The following OTOA variants were observed in gnomAD, a reference collection of about 807,000 sequenced individuals.
OTOA encodes the protein cancer/testis antigen 108.
In OTOA, 70 loss-of-function variants were observed where a neutral mutation model predicts 110.8. That is an observed-to-expected ratio of 0.63 (90% CI 0.52 to 0.77). OTOA has a LOEUF of 0.77. OTOA is among the 30% of genes least tolerant of loss of function. The pLI is 0.00. For synonymous variants in OTOA, 373 were observed against 431.5 expected (o/e 0.86, Z 1.68); for missense variants, 917 against 1,075.8 (o/e 0.85, Z 2.06).
intron 1 of OTOA, among the ~76,000 whole-genome samples, chr16:21,674,643 T>G (rs780905145): frequency 3.3e-4 from 33 of 98,684 alleles, no homozygotes; most frequent in Non-Finnish European, 4.4e-4. Flanking sequence ...TTCATTATGG[T>G]TTTTTTTTTT....
rs952822776 is a variant in OTOA, at chr16:21,678,778, A to C, written c.92-137A>C. On this transcript the variant is annotated intron_variant, in intron 2 of 28. Coordinates refer to ENST00000646100, the MANE Select transcript of OTOA (RefSeq NM_144672.4). The stretch of plus-strand genomic sequence containing the variant: ...ATTTTTCAAGCCACGGTTTTCTCAG[A>C]GTGGACAGTTATAATTAAAATTCAC... The C allele has an allele frequency of 2.4e-6, 3 of 1,245,390 alleles. No individual in the cohort carries two copies. In the African/African-American group the frequency reaches 4.5e-5, roughly 18 times the overall value. 77.1% of individuals were successfully genotyped at this position (1,245,390 alleles called of 1,614,324 possible).
chr16:21,705,166 C>T lies in OTOA; in HGVS notation c.981-3C>T. 1 of 1,614,190 alleles carries T rather than the reference C, an allele frequency of 6.2e-7. No homozygotes were observed. The highest frequency in any genetic ancestry group is 8.5e-7 in the Non-Finnish European group (1 of 1,180,032). ...CACCACCATCCCTCCTCTTCTCACA[C>T]AGGCTGGGGCTGCTGGTTTGTTTCT... On this transcript the variant is annotated splice_region_variant and splice_polypyrimidine_tract_variant and intron_variant, in intron 11 of 28. Transcript: ENST00000646100.
intron 1 of OTOA, among the ~76,000 whole-genome samples, chr16:21,669,508 T>G (rs1966846296): frequency 6.6e-6 from 1 of 152,128 alleles, no homozygotes; most frequent in Non-Finnish European, 1.5e-5. Flanking sequence ...TCTAAAAGGC[T>G]TCTCAAGCTT....
intron 10 of OTOA, among the ~76,000 whole-genome samples, chr16:21,698,468 G>A (rs1379987610): frequency 6.6e-6 from 1 of 152,142 alleles, no homozygotes; most frequent in African/African-American, 2.4e-5. Flanking sequence ...ATTCTTGAAT[G>A]CGGTCTCCAA....
chr16:21,755,848 T>G (rs1190238205), intron 27 of OTOA, among the ~76,000 whole-genome samples: 1 of 152,296 alleles, frequency 6.6e-6, no homozygotes, highest in Non-Finnish European at 1.5e-5. Context: ...AGAAACAGTG[T>G]TCCAGGCAGA....
intron 12 of OTOA, among the ~76,000 whole-genome samples, chr16:21,708,086 C>T (rs115708132): frequency 2.0e-3 from 301 of 152,104 alleles, no homozygotes; most frequent in African/African-American, 7.0e-3. Context: ...CCACCACGCC[C>T]GGTCTGTGCA....
intron 8 of OTOA, among the ~76,000 whole-genome samples, chr16:21,689,433 A>G (rs1350348095): frequency 6.6e-6 from 1 of 152,208 alleles, no homozygotes; most frequent in Non-Finnish European, 1.5e-5. Flanking sequence ...AGATTGTGGA[A>G]GAGAACATCA....
At chr16:21,693,600 G>A (rs1897876753) in intron 9 of OTOA, among the ~76,000 whole-genome samples, 1 of 152,156 alleles carries the variant, frequency 6.6e-6, no homozygotes, top group Non-Finnish European at 1.5e-5. Flanking sequence ...ATAGTTTGTT[G>A]AGACGGAGTC....
chr16:21,701,162 C>A, intron 11 of OTOA, 135 bp downstream of exon 11: 1 of 1,351,606 alleles, frequency 7.4e-7, no homozygotes, highest in Non-Finnish European at 1.0e-6. Flanking sequence ...CCATATTTCT[C>A]TGTGCATGTG....
chr16:21,687,957 C>A (rs1482165717), intron 8 of OTOA, among the ~76,000 whole-genome samples: 2 of 152,088 alleles, frequency 1.3e-5, no homozygotes, highest in Non-Finnish European at 2.9e-5. Flanking sequence ...AGCCACTGCA[C>A]CCAGCCACTC....
In OTOA at chr16:21,752,119, TCATCCATCCATC is replaced by T. The variant is rs527285911; in HGVS notation, c.2918+81_2918+92del. On this transcript the variant is annotated intron_variant, in intron 25 of 28. Coordinates refer to ENST00000646100, the MANE Select transcript of OTOA (RefSeq NM_144672.4). ...TGTGCAAAATGGCAAATGGGTTAAT[TCATCCATCCATC>T]CATCCATCCATCCATCCATCCATCC... 9.7e-4 allele frequency: 158 copies of T among 163,450 alleles called. 6 individuals carry two copies. The highest frequency in any genetic ancestry group is 8.4e-3 in the East Asian group (71 of 8,470). The allele number at this position is 163,450 out of a possible 1,614,324, so 10.1% of individuals were successfully genotyped here. A position where few individuals can be genotyped will look rare whatever the true frequency, so the allele number is the denominator to read the frequency against.
At chr16:21,750,269 C>T (rs1357942359) in intron 24 of OTOA, among the ~76,000 whole-genome samples, 3 of 145,142 alleles carry the variant, frequency 2.1e-5, no homozygotes, top group African/African-American at 7.5e-5. Context: ...AAAAATCAGC[C>T]AGGCATGTTC....
rs1898666494 is a variant in OTOA at position 21,719,578 on chromosome 16, A to G, written c.1806+74A>G. On this transcript the variant is annotated intron_variant, in intron 17 of 28. Coordinates refer to ENST00000646100, the MANE Select transcript of OTOA (RefSeq NM_144672.4). ...TCACTGGGCCTGGATTGGCTGTGGC[A>G]TCTAAAGATCTTTATGCCAGAATCA... is the stretch of plus-strand genomic sequence containing the variant. 1.1e-5 allele frequency: 14 copies of G among 1,330,320 alleles called. No individual in the cohort carries two copies. The South Asian group carries it at 1.2e-4, about 11-fold the overall frequency. The allele number at this position is 1,330,320 out of a possible 1,614,324, so 82.4% of individuals were successfully genotyped here.
At chr16:21,670,880 A>G (rs1403891380) in intron 1 of OTOA, among the ~76,000 whole-genome samples, 1 of 152,118 alleles carries the variant, frequency 6.6e-6, no homozygotes, top group Non-Finnish European at 1.5e-5. Context: ...GAGGAAGGGG[A>G]AGAATCCTCT....
At chr16:21,708,502 C>T (rs1216816921) in intron 12 of OTOA, among the ~76,000 whole-genome samples, 2 of 152,052 alleles carry the variant, frequency 1.3e-5, no homozygotes, top group African/African-American at 2.4e-5. Context: ...TCAGGAGGTC[C>T]GGGAGCAGCC....
chr16:21,687,663 C>T lies in OTOA; in HGVS notation c.635+15C>T, dbSNP rs368335912. On this transcript the variant is annotated intron_variant, in intron 8 of 28. Transcript: ENST00000646100. The stretch of plus-strand genomic sequence containing the variant: ...TTTAAGAACCTGTGAGTGGTTCCTC[C>T]GAACTTTTTTTTTTTTTTTTTTGAG... The T allele has an allele frequency of 2.5e-4, 389 of 1,565,432 alleles. No individual in the cohort carries two copies. Among genetic ancestry groups the T allele is most frequent in the Admixed American group, 2.4e-4 (13 of 54,190 alleles).
Position 21,728,283 on chromosome 16 carries a change from A to T in OTOA, c.2059A>T (p.Asn687Tyr). ...TGAGTACACTGTGGACATCATGGGGAACCTGCTGTGTCACTTGCCGGCAGC... is the reference window on the plus strand; with the variant it reads ...TGAGTACACTGTGGACATCATGGGGTACCTGCTGTGTCACTTGCCGGCAGC... Reference protein sequence around the residue: ...ADEYTVDIMGNLLCHLPAAII... With the variant: ...ADEYTVDIMGYLLCHLPAAII... The change falls in exon 20 of 29, where the codon AAC becomes TAC. Residue 687 changes from asparagine (N) to tyrosine (Y), a missense_variant. Asn to Tyr is a moderately radical substitution (Grantham distance 143, BLOSUM62 -2). Around this residue, in one of 6 missense-constraint regions of OTOA, gnomAD observed 840 missense variants for 910.2 expected, o/e 0.92. Coordinates refer to ENST00000646100, the MANE Select transcript of OTOA (RefSeq NM_144672.4). 1.2e-6 allele frequency: 2 copies of T among 1,614,110 alleles called. No homozygotes were observed. Among genetic ancestry groups the T allele is most frequent in the Non-Finnish European group, 1.7e-6 (2 of 1,180,010 alleles).
intron 12 of OTOA, among the ~76,000 whole-genome samples, chr16:21,707,653 CTTT>C (rs1898224455): frequency 9.2e-6 from 1 of 108,956 alleles, no homozygotes; most frequent in African/African-American, 3.0e-5. Flanking sequence ...TTCTTTCTTT[CTTT>C]CTCTTTCTTT....
intron 7 of OTOA, 30 bp from the exon 8 acceptor site, chr16:21,687,383 A>T (rs1230996758): frequency 3.1e-6 from 5 of 1,603,438 alleles, no homozygotes; most frequent in Non-Finnish European, 4.3e-6. Context: ...GCAGCTCTCA[A>T]ACTGACCCTG....
Sources: allele counts gnomAD v4.1 joint callset (sites outside exome capture counted in the v4.1 genomes callset), GRCh38; gene constraint gnomAD v4.1.1; regional missense constraint gnomAD v4.1.1; transcripts MANE v1.5; gene names NCBI Gene and HGNC (gene_info 2026-07-23, HGNC 2026-07-21).